Variants in ATP2B2 observed in about 807,000 individuals in gnomAD.
ATP2B2 encodes plasma membrane calcium-transporting ATPase 2.
In ATP2B2, 15 loss-of-function variants were observed where a neutral mutation model predicts 120.0. The ratio of observed to expected loss-of-function variants is 0.12; its 90% CI spans 0.08 to 0.19. The LOEUF (loss-of-function observed/expected upper bound fraction) is 0.19. Among genes scored for constraint, ATP2B2 ranks in the 10% least tolerant of loss-of-function variants. The pLI is 1.00. For missense variants in ATP2B2, 1,045 were observed against 1,719.8 expected, an observed-to-expected ratio of 0.61 and a Z score of 6.94; for synonymous variants, 694 against 700.3, an observed-to-expected ratio of 0.99 and a Z score of 0.14.
intron 2 of ATP2B2, among the ~76,000 whole-genome samples, chr3:10,542,076 TTC>T (rs1419184137): frequency 1.3e-5 from 2 of 152,180 alleles, no homozygotes; most frequent in East Asian, 3.8e-4. Flanking sequence ...CACTCCCACT[TTC>T]TTTTGATTAA....
intron 14 of ATP2B2, among the ~76,000 whole-genome samples, chr3:10,356,069 C>T (rs1244438025): frequency 1.5e-5 from 1 of 68,186 alleles, no homozygotes; most frequent in Non-Finnish European, 2.8e-5. Flanking sequence ...AGCGAGACTC[C>T]GTCTCAAAAA....
intron 2 of ATP2B2, among the ~76,000 whole-genome samples, chr3:10,550,563 T>C (rs957814845): frequency 2.6e-5 from 4 of 152,128 alleles, no homozygotes; most frequent in Non-Finnish European, 5.9e-5. Flanking sequence ...CATCAAACAT[T>C]TCTCCCTTCC....
intron 2 of ATP2B2, among the ~76,000 whole-genome samples, chr3:10,551,831 CT>C (rs1305058463): frequency 6.6e-6 from 1 of 152,230 alleles, no homozygotes; most frequent in Non-Finnish European, 1.5e-5. Flanking sequence ...CTTTCCCCAT[CT>C]GTTGAAAAGG....
chr3:10,579,633 ACC>A (rs2068337770), intron 2 of ATP2B2, among the ~76,000 whole-genome samples: 1 of 152,248 alleles, frequency 6.6e-6, no homozygotes, highest in Admixed American at 6.5e-5. Flanking sequence ...AAATGGCAAA[ACC>A]CTGTCTCTAC....
rs3964504 is a variant in ATP2B2, at chr3:10,380,957, A to T, written c.1001-1673T>A. Among the ~76,000 whole-genome samples the T allele has an allele frequency of 8.8e-3, 1,336 of 152,174 alleles. 19 individuals carry two copies. Among genetic ancestry groups the T allele is most frequent in the African/African-American group, 0.031 (1,275 of 41,516 alleles). On this transcript the variant is annotated intron_variant, in intron 8 of 22. Transcript: ENST00000360273. ...ATCCCTGCAAGGTGGGGCAGGAGGG[A>T]TTTTCATCACTCTCATTTTATAGAT...
At chr3:10,587,053 G>A (rs1033770261) in intron 2 of ATP2B2, among the ~76,000 whole-genome samples, 4 of 152,148 alleles carry the variant, frequency 2.6e-5, no homozygotes, top group Non-Finnish European at 5.9e-5. Context: ...CAGTACTTTG[G>A]GATGCCAAGG....
intron 1 of ATP2B2, among the ~76,000 whole-genome samples, chr3:10,491,240 T>C (rs1378481811): frequency 6.6e-6 from 1 of 151,478 alleles, no homozygotes; most frequent in Admixed American, 6.6e-5. Context: ...TTTTTTTTTT[T>C]TTGAGACGGT....
rs74730445 is a variant in ATP2B2 at position 10,333,897 on chromosome 3, C to T, written c.3420+4279G>A. Among the ~76,000 whole-genome samples, 385 of 152,304 alleles carry T rather than the reference C, an allele frequency of 2.5e-3. 4 individuals are homozygous for T. The highest frequency in any genetic ancestry group is 0.014 in the East Asian group (71 of 5,182). ...GACTGTTCCAAAGTTGGGGTAACCA[C>T]GGGCTACAGGGGACTGATCTGGCCT... is the stretch of plus-strand genomic sequence containing the variant. On this transcript the variant is annotated intron_variant, in intron 22 of 22. Transcript: ENST00000360273.
chr3:10,702,453 GAGAC>G (rs991542699), intron 1 of ATP2B2, among the ~76,000 whole-genome samples: 1 of 152,174 alleles, frequency 6.6e-6, no homozygotes, highest in Non-Finnish European at 1.5e-5. Flanking sequence ...TGAGGAAACT[GAGAC>G]AGACAGAGCT....
chr3:10,350,900 T>C (rs1293147715), intron 14 of ATP2B2, among the ~76,000 whole-genome samples: 2 of 152,234 alleles, frequency 1.3e-5, no homozygotes, highest in Non-Finnish European at 2.9e-5. Flanking sequence ...GCGAAGACTT[T>C]GGAAAGACTT....
At chr3:10,516,696 A>T (rs1017309170) in intron 3 of ATP2B2, among the ~76,000 whole-genome samples, 1 of 152,206 alleles carries the variant, frequency 6.6e-6, no homozygotes, top group Admixed American at 6.5e-5. Context: ...TGGACAAGTT[A>T]CTCAACTTTT....
intron 2 of ATP2B2, among the ~76,000 whole-genome samples, chr3:10,609,758 A>C (rs182473038): frequency 1.0e-3 from 152 of 152,326 alleles, no homozygotes; most frequent in African/African-American, 3.5e-3. Context: ...CAGCATCTTT[A>C]GATGGCTCAG....
rs2059925450 is a variant in ATP2B2 at position 10,329,575 on chromosome 3, C to T, written c.3421-450G>A. On this transcript the variant is annotated intron_variant, in intron 22 of 22. Transcript: ENST00000360273. This position sits in a 1 kb window ranked among gnomAD's most constrained non-coding sequence, Gnocchi z 5.9. ...TTAAAAAAATTCATCTTAGGAAAAC[C>T]ACACACAGTTAAGAAACCATACAAC... Among the ~76,000 whole-genome samples the T allele has an allele frequency of 6.6e-6, 1 of 152,122 alleles. No individual in the cohort carries two copies. Among genetic ancestry groups the T allele is most frequent in the African/African-American group, 2.4e-5 (1 of 41,504 alleles).
At chr3:10,358,608 G>T in intron 14 of ATP2B2, 83 bp downstream of exon 14, 6 of 1,310,742 alleles carry the variant, frequency 4.6e-6, no homozygotes, top group Non-Finnish European at 6.5e-6. Flanking sequence ...TCAAAGAGGT[G>T]AAGTGACTTA....
At chr3:10,393,951 G>C (rs1410510430) in intron 5 of ATP2B2, among the ~76,000 whole-genome samples, 1 of 152,224 alleles carries the variant, frequency 6.6e-6, no homozygotes, top group Non-Finnish European at 1.5e-5. Context: ...GCCTTCTGCT[G>C]TGGCTTGTGG....
chr3:10,600,360 C>T (rs1464579824), intron 2 of ATP2B2, among the ~76,000 whole-genome samples: 2 of 152,158 alleles, frequency 1.3e-5, no homozygotes, highest in Admixed American at 6.5e-5. Flanking sequence ...GGCTCTGTGC[C>T]CGCCCCTTGC....
At chr3:10,598,487 T>C (rs1273336882) in intron 2 of ATP2B2, among the ~76,000 whole-genome samples, 1 of 152,192 alleles carries the variant, frequency 6.6e-6, no homozygotes, top group Non-Finnish European at 1.5e-5. Context: ...TTGGAGGGAA[T>C]ACAAAGAAGT....
intron 1 of ATP2B2, among the ~76,000 whole-genome samples, chr3:10,489,467 C>T (rs2065853663): frequency 6.6e-6 from 1 of 152,192 alleles, no homozygotes; most frequent in Middle Eastern, 3.2e-3. Flanking sequence ...TGCCTTTTGC[C>T]AGTGGTTCCC....
chr3:10,337,174 C>T (rs991930580), intron 22 of ATP2B2, among the ~76,000 whole-genome samples: 5 of 152,198 alleles, frequency 3.3e-5, no homozygotes, highest in Non-Finnish European at 7.4e-5. Context: ...CATCTACCTC[C>T]CAGGGCTGTG....
Sources: allele counts gnomAD v4.1 joint callset (sites outside exome capture counted in the v4.1 genomes callset), GRCh38; gene constraint gnomAD v4.1.1; non-coding constraint Gnocchi (gnomAD v3.1); transcripts MANE v1.5; gene names NCBI Gene and HGNC (gene_info 2026-07-23, HGNC 2026-07-21).